NR2F6: variants seen among roughly 807,000 people sequenced by gnomAD.
NR2F6 encodes the protein ERBA-related gene-2.
In NR2F6, 16 loss-of-function variants were observed where a neutral mutation model predicts 26.5. The ratio of observed to expected loss-of-function variants is 0.60; its 90% CI spans 0.41 to 0.92. The LOEUF (loss-of-function observed/expected upper bound fraction) is 0.92. Ranked by LOEUF, NR2F6 falls within the 40% of genes least tolerant of loss-of-function variation. The pLI, the probability that NR2F6 is intolerant of heterozygous loss-of-function variation, is 0.00. For synonymous variants in NR2F6, 325 were observed against 305.0 expected (o/e 1.07, Z -0.68); for missense variants, 536 against 631.7 (o/e 0.85, Z 1.62).
chr19:17,239,851 G>GA (rs965545373), intron 2 of NR2F6, among the ~76,000 whole-genome samples: 2 of 150,836 alleles, frequency 1.3e-5, no homozygotes, highest in South Asian at 2.1e-4. Flanking sequence ...AGAAAATAAG[G>GA]AAAAAAAAAC....
Position 17,232,191 on chromosome 19 carries a change from A to T in NR2F6, c.*161T>A. 1 of 1,056,826 alleles carries T rather than the reference A, an allele frequency of 9.5e-7. No homozygotes were observed. Among genetic ancestry groups the T allele is most frequent in the Non-Finnish European group, 1.3e-6 (1 of 752,186 alleles). The allele number at this position is 1,056,826 out of a possible 1,614,324, so 65.5% of individuals were successfully genotyped here. A position where few individuals can be genotyped will look rare whatever the true frequency, so the allele number is the denominator to read the frequency against. ...TCTCTTTTTGGTTTCATGATCATTTAAAAAACAGAAAAGACAAACATTTCA... is the reference window on the plus strand; with the variant it reads ...TCTCTTTTTGGTTTCATGATCATTTTAAAAACAGAAAAGACAAACATTTCA... On this transcript the variant is annotated 3_prime_UTR_variant, in exon 4 of 4. Coordinates refer to ENST00000291442, the MANE Select transcript of NR2F6 (RefSeq NM_005234.4).
Position 17,235,424 on chromosome 19 carries a change from C to T in NR2F6, c.940+75G>A, listed in dbSNP as rs2073430355. 3 of 1,518,342 alleles carry T rather than the reference C, an allele frequency of 2.0e-6. No individual in the cohort carries two copies. The highest frequency in any genetic ancestry group is 1.4e-5 in the African/African-American group (1 of 71,102). 94.1% of individuals were successfully genotyped at this position (1,518,342 alleles called of 1,614,324 possible). A position where few individuals can be genotyped will look rare whatever the true frequency, so the allele number is the denominator to read the frequency against. On this transcript the variant is annotated intron_variant, in intron 3 of 3. Coordinates refer to ENST00000291442, the MANE Select transcript of NR2F6 (RefSeq NM_005234.4). This position sits in a 1 kb window ranked among gnomAD's most constrained non-coding sequence, Gnocchi z 5.0. Reference sequence around the variant, plus strand: ...AGCGGGGCGCTATGGGGGCCGGAGTCTGGGTCCAGGCCGCCCTCCTCCTAA... The same window carrying T: ...AGCGGGGCGCTATGGGGGCCGGAGTTTGGGTCCAGGCCGCCCTCCTCCTAA...
At position 17,235,357 on chromosome 19, in the gene NR2F6, C is replaced by T; in HGVS notation, c.940+142G>A. 6.9e-7 allele frequency: 1 copy of T among 1,445,314 alleles called. No homozygotes were observed. Among genetic ancestry groups the T allele is most frequent in the Non-Finnish European group, 9.1e-7 (1 of 1,102,466 alleles). The allele number at this position is 1,445,314 out of a possible 1,614,324, so 89.5% of individuals were successfully genotyped here. ...TCACCCCTCTACAGCCACCCAAGAG[C>T]GTTCACTCACGGCGCGTGCAGGGCC... On this transcript the variant is annotated intron_variant, in intron 3 of 3. Transcript: ENST00000291442. This position sits in a 1 kb window ranked among gnomAD's most constrained non-coding sequence, Gnocchi z 5.0.
rs2145570788 is a variant in NR2F6, at chr19:17,245,241, G to A, written c.-21C>T. ...GCCATAGCCCCAGGGCAGCGGGGCC[G>A]GGGCGCCCCCACCGCGCTCTTCCCT... is the stretch of plus-strand genomic sequence containing the variant. On this transcript the variant is annotated 5_prime_UTR_variant, in exon 1 of 4. Transcript: ENST00000291442. This position sits in a 1 kb window ranked among gnomAD's most constrained non-coding sequence, Gnocchi z 5.0. 2 of 1,245,066 alleles carry A rather than the reference G, an allele frequency of 1.6e-6. No individual in the cohort carries two copies. The highest frequency in any genetic ancestry group is 3.5e-5 in the East Asian group (1 of 28,780). The allele number at this position is 1,245,066 out of a possible 1,614,324, so 77.1% of individuals were successfully genotyped here. A position where few individuals can be genotyped will look rare whatever the true frequency, so the allele number is the denominator to read the frequency against.
At chr19:17,244,367 C>G (rs2073485013) in intron 1 of NR2F6, 1 of 152,760 alleles carries the variant, frequency 6.5e-6, no homozygotes, top group South Asian at 2.0e-4. Context: ...CCACCCCCAC[C>G]CCCACCGCTG....
rs773187670 is a variant in NR2F6, at chr19:17,232,574, C to T, written c.993G>A (p.Ala331=). Residue 331 remains alanine, a synonymous_variant, in exon 4 of 4, where the codon GCG becomes GCA. Transcript: ENST00000291442. The part of the protein sequence containing the change: ...PAHVESLQEK[A]QVALTEYVRA... ...GCACATACTCGGTGAGGGCCACCTG[C>T]GCCTTCTCCTGCAGGCTCTCAACGT... is the stretch of plus-strand genomic sequence containing the variant. 3.7e-5 allele frequency: 58 copies of T among 1,582,670 alleles called. No homozygotes were observed. The highest frequency in any genetic ancestry group is 4.6e-5 in the Non-Finnish European group (54 of 1,162,720).
chr19:17,235,484 C>T lies in NR2F6; in HGVS notation c.940+15G>A, dbSNP rs747080094. The T allele has an allele frequency of 1.3e-6, 2 of 1,570,236 alleles. No individual in the cohort carries two copies. The highest frequency in any genetic ancestry group is 8.6e-7 in the Non-Finnish European group (1 of 1,164,546). ...GGTCCCCCCATCCCGCGGCCCTCTT[C>T]GGAGCGTGGCTCACCGGGCGTGAAG... On this transcript the variant is annotated intron_variant, in intron 3 of 3. Coordinates refer to ENST00000291442, the MANE Select transcript of NR2F6 (RefSeq NM_005234.4). The surrounding 1 kb of genome is among the most constrained non-coding windows in gnomAD (Gnocchi z 5.0).
intron 2 of NR2F6, among the ~76,000 whole-genome samples, chr19:17,239,234 G>C (rs886539327): frequency 2.6e-5 from 4 of 152,088 alleles, no homozygotes; most frequent in African/African-American, 9.7e-5. Context: ...CTACTCAGGA[G>C]GCTGAGGCAG....
At chr19:17,236,983 G>A (rs779356795) in intron 2 of NR2F6, among the ~76,000 whole-genome samples, 3 of 152,240 alleles carry the variant, frequency 2.0e-5, no homozygotes, top group Non-Finnish European at 2.9e-5. Flanking sequence ...CGGGGTGGGC[G>A]GGATGGCAGG....
chr19:17,233,433 A>G (rs1373899636), intron 3 of NR2F6, among the ~76,000 whole-genome samples: 1 of 152,198 alleles, frequency 6.6e-6, no homozygotes, highest in East Asian at 1.9e-4. Flanking sequence ...AACCAGTGAC[A>G]TAGGGGTGCA....
rs2073410414 is a variant in NR2F6 at position 17,232,083 on chromosome 19, G to A, written c.*269C>T. On this transcript the variant is annotated 3_prime_UTR_variant, in exon 4 of 4. Coordinates refer to ENST00000291442, the MANE Select transcript of NR2F6 (RefSeq NM_005234.4). The stretch of plus-strand genomic sequence containing the variant: ...CCCACAAGTTCATGCTAGGGGTGCT[G>A]AGGAACAAGGCTGTCCTAGGATTGG... The A allele has an allele frequency of 2.1e-6, 1 of 471,262 alleles. No homozygotes were observed. The allele number at this position is 471,262 out of a possible 1,614,324, so 29.2% of individuals were successfully genotyped here. A position where few individuals can be genotyped will look rare whatever the true frequency, so the allele number is the denominator to read the frequency against.
At chr19:17,236,347 A>G (rs2073438708) in intron 2 of NR2F6, among the ~76,000 whole-genome samples, 2 of 151,026 alleles carry the variant, frequency 1.3e-5, no homozygotes, top group Non-Finnish European at 3.0e-5. Context: ...AAGGGAGACA[A>G]AAGTCATCAA....
chr19:17,243,462 C>A (rs941605246), intron 1 of NR2F6, among the ~76,000 whole-genome samples: 1 of 141,252 alleles, frequency 7.1e-6, no homozygotes, highest in Non-Finnish European at 1.5e-5. Flanking sequence ...CCAAGCAAGG[C>A]CCCCCCCACC....
intron 1 of NR2F6, 38 bp downstream of exon 1, chr19:17,244,905 C>T (rs1267781062): frequency 3.3e-5 from 51 of 1,548,046 alleles, no homozygotes; most frequent in Non-Finnish European, 4.4e-5. Flanking sequence ...CAGGTCGGGG[C>T]GGGGTGCACG....
In NR2F6 at chr19:17,245,299, G is replaced by A; in HGVS notation, c.-79C>T. ...CCCCTCTCGGCCCGGGGGACCCTAC[G>A]CGGCGCGCATTCGGCCCCGGCGCGC... On this transcript the variant is annotated 5_prime_UTR_variant, in exon 1 of 4. Transcript: ENST00000291442. The surrounding 1 kb of genome is among the most constrained non-coding windows in gnomAD (Gnocchi z 5.0). The A allele has an allele frequency of 8.6e-7, 1 of 1,159,024 alleles. No homozygotes were observed. The highest frequency in any genetic ancestry group is 1.1e-6 in the Non-Finnish European group (1 of 936,124). 71.8% of individuals were successfully genotyped at this position (1,159,024 alleles called of 1,614,324 possible). A position where few individuals can be genotyped will look rare whatever the true frequency, so the allele number is the denominator to read the frequency against.
In NR2F6 at chr19:17,235,766, C is replaced by A; in HGVS notation, c.673G>T (p.Glu225Ter). ...EWARHAPFFP[E>*]LPVADQVALL... Reference sequence around the variant, plus strand: ...GCCACCTGGTCGGCCACCGGCAGCTCGGGGAAGAAGGGCGCGTGGCGCGCC... The same window carrying A: ...GCCACCTGGTCGGCCACCGGCAGCTAGGGGAAGAAGGGCGCGTGGCGCGCC... The change falls in exon 3 of 4, where the codon GAG (glutamate) becomes TAG (stop). Residue 225 changes from glutamate to a stop codon, truncating the protein, a stop_gained. Coordinates refer to ENST00000291442, the MANE Select transcript of NR2F6 (RefSeq NM_005234.4). LOFTEE classifies it high-confidence loss of function. The surrounding 1 kb of genome is among the most constrained non-coding windows in gnomAD (Gnocchi z 5.0). The A allele has an allele frequency of 6.7e-7, 1 of 1,499,298 alleles. No homozygotes were observed. Among genetic ancestry groups the A allele is most frequent in the Non-Finnish European group, 8.8e-7 (1 of 1,132,814 alleles). The allele number at this position is 1,499,298 out of a possible 1,614,324, so 92.9% of individuals were successfully genotyped here.
In NR2F6 at chr19:17,235,671, C is replaced by G. The variant is rs1206199847; in HGVS notation, c.768G>C (p.Thr256=). The G allele has an allele frequency of 4.6e-6, 7 of 1,515,124 alleles. No homozygotes were observed. The South Asian group carries it at 7.3e-5, about 16-fold the overall frequency. 93.9% of individuals were successfully genotyped at this position (1,515,124 alleles called of 1,614,324 possible). ...GGCCGGCGGCGGCCAGTAGCGGCGC[C>G]GTGTGCAGGGGCAGCGCCGCCTGCG... ...NAAQAALPLH[T]APLLAAAGLH... is the part of the protein sequence containing the mutation. The change falls in exon 3 of 4, where the codon ACG becomes ACC. Residue 256 remains threonine (T), a synonymous_variant. Transcript: ENST00000291442. The surrounding 1 kb of genome is among the most constrained non-coding windows in gnomAD (Gnocchi z 5.0).
intron 3 of NR2F6, 113 bp from the exon 4 acceptor site, chr19:17,232,739 A>G (rs544122596): frequency 1.1e-5 from 14 of 1,293,714 alleles, no homozygotes; most frequent in Admixed American, 2.9e-5. Flanking sequence ...GGGGCCGGGC[A>G]TGATGGCTCA....
chr19:17,241,938 C>A (rs959153520), intron 1 of NR2F6, among the ~76,000 whole-genome samples: 2 of 150,650 alleles, frequency 1.3e-5, no homozygotes, highest in East Asian at 2.0e-4. Context: ...ATCGCTTGAA[C>A]TGGGGAGGTG....
Sources: allele counts gnomAD v4.1 joint callset (sites outside exome capture counted in the v4.1 genomes callset), GRCh38; gene constraint gnomAD v4.1.1; non-coding constraint Gnocchi (gnomAD v3.1); transcripts MANE v1.5; gene names NCBI Gene and HGNC (gene_info 2026-07-23, HGNC 2026-07-21).